C3orf70: variants seen among roughly 807,000 people sequenced by gnomAD.
C3orf70 encodes the protein chromosome 3 open reading frame 70.
Under a neutral mutation model 20.7 loss-of-function variants are expected in C3orf70, and 15 were observed. The observed-to-expected ratio is 0.72, with a 90% CI of 0.48 to 1.11. The LOEUF (loss-of-function observed/expected upper bound fraction) is 1.11. Ranked by LOEUF, C3orf70 falls within the 50% of genes most tolerant of loss-of-function variation. The pLI, the probability that C3orf70 is intolerant of heterozygous loss-of-function variation, is 0.00. For synonymous variants in C3orf70, 161 were observed against 125.7 expected, an observed-to-expected ratio of 1.28 and a Z score of -1.88; for missense variants, 332 against 317.6, an observed-to-expected ratio of 1.05 and a Z score of -0.34.
intron 1 of C3orf70, among the ~76,000 whole-genome samples, chr3:185,087,969 T>A (rs372630227): frequency 6.7e-6 from 1 of 150,110 alleles, no homozygotes; most frequent in African/African-American, 2.5e-5. Context: ...TGGAGGGCAA[T>A]AGCACGATCT....
At chr3:185,117,502 T>A (rs1716206187) in intron 1 of C3orf70, among the ~76,000 whole-genome samples, 1 of 149,970 alleles carries the variant, frequency 6.7e-6, no homozygotes, top group South Asian at 2.1e-4. Flanking sequence ...ATGGCAGAAC[T>A]GAAGGAACAA....
At position 185,080,041 on chromosome 3, in the gene C3orf70, G is replaced by C. The variant is rs1024198908; in HGVS notation, c.*2966C>G. 1.3e-5 allele frequency: 2 copies of C among 152,648 alleles called. No individual in the cohort carries two copies. The highest frequency in any genetic ancestry group is 2.9e-5 in the Non-Finnish European group (2 of 68,032). The allele number at this position is 152,648 out of a possible 1,614,324, so 9.5% of individuals were successfully genotyped here. Reference sequence around the variant, plus strand: ...AATCTGTTTCAGTTGGTTTTGGAATGCAAGCATAAAGAAACAATTCCAGTT... The same window carrying C: ...AATCTGTTTCAGTTGGTTTTGGAATCCAAGCATAAAGAAACAATTCCAGTT... On this transcript the variant is annotated 3_prime_UTR_variant, in exon 2 of 2. Transcript: ENST00000335012.
chr3:185,139,135 GGGAGGAGGAAGGA>G (rs374731094), intron 1 of C3orf70, among the ~76,000 whole-genome samples: 20 of 149,366 alleles, frequency 1.3e-4, no homozygotes, highest in South Asian at 4.3e-4. Flanking sequence ...GAGGGGGAGC[GGGAGGAGGAAGGA>G]GGAGGAGGAA....
chr3:185,143,027 C>A (rs540887188), intron 1 of C3orf70, among the ~76,000 whole-genome samples: 2 of 152,106 alleles, frequency 1.3e-5, no homozygotes, highest in Non-Finnish European at 2.9e-5. Flanking sequence ...TGATTGACCC[C>A]TGGATTTTTT....
intron 1 of C3orf70, among the ~76,000 whole-genome samples, chr3:185,138,259 A>C (rs891491050): frequency 1.3e-5 from 2 of 152,112 alleles, no homozygotes; most frequent in Non-Finnish European, 2.9e-5. Flanking sequence ...TTAAACTCAA[A>C]AACAACAACA....
chr3:185,091,248 A>G (rs919310718), intron 1 of C3orf70, among the ~76,000 whole-genome samples: 2 of 152,146 alleles, frequency 1.3e-5, no homozygotes, highest in Non-Finnish European at 2.9e-5. Flanking sequence ...ATTAGAAGAC[A>G]GAGACCGGTA....
chr3:185,136,627 G>A (rs1716627846), intron 1 of C3orf70, among the ~76,000 whole-genome samples: 1 of 152,188 alleles, frequency 6.6e-6, no homozygotes, highest in Non-Finnish European at 1.5e-5. Flanking sequence ...GGGAGGCTGA[G>A]GCAGGAGAAT....
intron 1 of C3orf70, among the ~76,000 whole-genome samples, chr3:185,098,357 T>C (rs777791306): frequency 3.9e-5 from 6 of 152,210 alleles, no homozygotes; most frequent in African/African-American, 9.6e-5. Flanking sequence ...AAAAACCAAA[T>C]AGAATTTCTG....
intron 1 of C3orf70, among the ~76,000 whole-genome samples, chr3:185,090,761 C>A (rs1715549530): frequency 6.6e-6 from 1 of 151,852 alleles, no homozygotes; most frequent in Non-Finnish European, 1.5e-5. Flanking sequence ...TTATTATAGC[C>A]AATATTTTTT....
intron 1 of C3orf70, among the ~76,000 whole-genome samples, chr3:185,121,358 TAAAA>T (rs59087246): frequency 8.4e-6 from 1 of 119,694 alleles, no homozygotes; most frequent in Non-Finnish European, 1.9e-5. Context: ...CTATGGAAAT[TAAAA>T]AAAAAAAAAA....
At chr3:185,111,106 T>A (rs1023949481) in intron 1 of C3orf70, among the ~76,000 whole-genome samples, 1 of 152,052 alleles carries the variant, frequency 6.6e-6, no homozygotes. Context: ...AAAAAGCAAC[T>A]CACAATGCAT....
chr3:185,077,566 C>G lies in C3orf70; in HGVS notation c.*5441G>C, dbSNP rs369034853. On this transcript the variant is annotated 3_prime_UTR_variant, in exon 2 of 2. Coordinates refer to ENST00000335012, the MANE Select transcript of C3orf70 (RefSeq NM_001025266.3). ...GTTCCTAGGAAGGTTGTTCAATAGA[C>G]TCCAACCCTTGAAGCTGTTCTTTTC... Among the ~76,000 whole-genome samples the G allele has an allele frequency of 3.1e-4, 47 of 152,190 alleles. No homozygotes were observed. In the East Asian group the frequency reaches 7.1e-3, roughly 23 times the overall value.
rs1205406282 is a variant in C3orf70 at position 185,082,994 on chromosome 3, C to T, written c.*13G>A. The T allele has an allele frequency of 6.8e-6, 11 of 1,606,654 alleles. No individual in the cohort carries two copies. The East Asian group carries it at 2.0e-4, about 29-fold the overall frequency. On this transcript the variant is annotated 3_prime_UTR_variant, in exon 2 of 2. Coordinates refer to ENST00000335012, the MANE Select transcript of C3orf70 (RefSeq NM_001025266.3). ...CGGCGTGGGTCCGAGGCTGTGGCTT[C>T]CTGTCTGGACTCTCACACAGTCGTT...
At chr3:185,127,042 T>C (rs997090174) in intron 1 of C3orf70, among the ~76,000 whole-genome samples, 12 of 152,358 alleles carry the variant, frequency 7.9e-5, no homozygotes, top group Admixed American at 2.0e-4. Context: ...ATCTTTTCTA[T>C]TGATATTCCC....
At position 185,143,466 on chromosome 3, in the gene C3orf70, G is replaced by A. The variant is rs1206249418; in HGVS notation, c.196+9162C>T. Among the ~76,000 whole-genome samples, 10 of 152,286 alleles carry A rather than the reference G, an allele frequency of 6.6e-5. No individual in the cohort carries two copies. The East Asian group carries it at 1.9e-3, about 29-fold the overall frequency. On this transcript the variant is annotated intron_variant, in intron 1 of 1. Transcript: ENST00000335012. ...AAATGGACAAACAAGCACTAGAGAG[G>A]TTAAAGAATTTGTCCTACTTGGGAA...
chr3:185,106,819 T>C (rs1301096415), intron 1 of C3orf70, among the ~76,000 whole-genome samples: 1 of 152,242 alleles, frequency 6.6e-6, no homozygotes, highest in Non-Finnish European at 1.5e-5. Context: ...GGATTACTTT[T>C]AGGAAGGTCT....
intron 1 of C3orf70, among the ~76,000 whole-genome samples, chr3:185,089,482 C>T (rs1226873880): frequency 6.6e-6 from 1 of 152,128 alleles, no homozygotes; most frequent in African/African-American, 2.4e-5. Context: ...CTCCAAGGAG[C>T]CCTAGTTCCT....
chr3:185,100,159 A>G (rs1393168256), intron 1 of C3orf70, among the ~76,000 whole-genome samples: 1 of 152,192 alleles, frequency 6.6e-6, no homozygotes, highest in African/African-American at 2.4e-5. Context: ...AAATTAAAAA[A>G]GATACTCAGG....
At position 185,152,815 on chromosome 3, in the gene C3orf70, C is replaced by CGCG. The variant is rs759496852; in HGVS notation, c.8_9insCGC (p.Ala5dup). The CGCG allele has an allele frequency of 6.4e-7, 1 of 1,559,506 alleles. No homozygotes were observed. On this transcript the variant is annotated inframe_insertion, in exon 1 of 2. Coordinates refer to ENST00000335012, the MANE Select transcript of C3orf70 (RefSeq NM_001025266.3). Reference sequence around the variant, plus strand: ...CCCGCTCCGACGCCGGCGAGGCCGCCGCACTCATTTCCTCTCCCTCCGCGC... The same window carrying CGCG: ...CCCGCTCCGACGCCGGCGAGGCCGCCGCGGCACTCATTTCCTCTCCCTCCGCGC...
Sources: allele counts gnomAD v4.1 joint callset (sites outside exome capture counted in the v4.1 genomes callset), GRCh38; gene constraint gnomAD v4.1.1; transcripts MANE v1.5; gene names NCBI Gene and HGNC (gene_info 2026-07-23, HGNC 2026-07-21).